The following CALN1 variants were observed in gnomAD, a reference collection of about 807,000 sequenced individuals.
CALN1 encodes calcium-binding protein 8.
A neutral mutation model predicts 30.6 loss-of-function variants in CALN1; 17 were observed. The observed-to-expected ratio is 0.56, with a 90% CI of 0.38 to 0.83. CALN1 has a LOEUF of 0.83. Ranked by LOEUF, CALN1 falls within the 40% of genes least tolerant of loss-of-function variation. The probability of loss-of-function intolerance (pLI) is 0.00; values close to 1 mark genes in which losing one functional copy is unlikely to be tolerated. For synonymous variants in CALN1, 156 were observed against 131.4 expected, an observed-to-expected ratio of 1.19 and a Z score of -1.28; for missense variants, 291 against 354.9, an observed-to-expected ratio of 0.82 and a Z score of 1.45.
intron 1 of CALN1, among the ~76,000 whole-genome samples, chr7:72,404,987 G>A (rs183973629): frequency 7.9e-4 from 121 of 152,250 alleles, no homozygotes; most frequent in African/African-American, 2.8e-3. Flanking sequence ...ATTTCCATCT[G>A]AACCAGAAAC....
chr7:72,151,517 A>T (rs1787247884), intron 3 of CALN1, among the ~76,000 whole-genome samples: 1 of 152,160 alleles, frequency 6.6e-6, no homozygotes, highest in Non-Finnish European at 1.5e-5. Flanking sequence ...TTGGGAGGAC[A>T]CAATTCAACC....
chr7:72,049,344 AG>A (rs1191594413), intron 4 of CALN1, among the ~76,000 whole-genome samples: 1 of 152,200 alleles, frequency 6.6e-6, no homozygotes, highest in Non-Finnish European at 1.5e-5. Context: ...GAATACTAGA[AG>A]GTATAGTAAT....
At chr7:72,058,969 A>G (rs1420184908) in intron 4 of CALN1, among the ~76,000 whole-genome samples, 2 of 152,196 alleles carry the variant, frequency 1.3e-5, no homozygotes, top group Non-Finnish European at 2.9e-5. Flanking sequence ...TTGAAGATTC[A>G]AGGTTTTAAA....
chr7:72,335,329 T>C (rs746698444), intron 2 of CALN1, among the ~76,000 whole-genome samples: 9 of 152,194 alleles, frequency 5.9e-5, no homozygotes, highest in Admixed American at 2.6e-4. Flanking sequence ...ATTTCCCTTT[T>C]TGAGCAAAAG....
At chr7:72,169,945 G>A (rs1334604591) in intron 3 of CALN1, among the ~76,000 whole-genome samples, 2 of 151,814 alleles carry the variant, frequency 1.3e-5, no homozygotes, top group Non-Finnish European at 2.9e-5. Context: ...CACCTGCCTT[G>A]GCCTCCCGAA....
rs199932127 is a variant in CALN1 at position 72,323,677 on chromosome 7, A to AT, written c.120-44868_120-44867insA. On this transcript the variant is annotated intron_variant, in intron 2 of 6. Coordinates refer to ENST00000395275, the MANE Select transcript of CALN1 (RefSeq NM_031468.4). ...ACTCCATCTCAAAAAAAAAAAAATA[A>AT]AAAATAAAGAGAACAAAAAGAGAAA... 2.4e-3 allele frequency among the ~76,000 whole-genome samples: 320 copies of AT among 134,870 alleles called. 4 individuals are homozygous for AT. Among genetic ancestry groups the AT allele is most frequent in the East Asian group, 0.013 (61 of 4,702 alleles). The allele number at this position is 134,870 out of a possible 152,430, so 88.5% of individuals were successfully genotyped here.
chr7:72,355,942 A>G (rs1803193470), intron 2 of CALN1, among the ~76,000 whole-genome samples: 2 of 152,206 alleles, frequency 1.3e-5, no homozygotes, highest in African/African-American at 4.8e-5. Flanking sequence ...TCCTCAATAA[A>G]GTTGATTTGA....
At chr7:71,863,562 A>C (rs1225317625) in intron 5 of CALN1, among the ~76,000 whole-genome samples, 1 of 132,942 alleles carries the variant, frequency 7.5e-6, no homozygotes, top group Admixed American at 7.0e-5. Context: ...CATCTCAAAA[A>C]AAAAAAAAAA....
intron 2 of CALN1, among the ~76,000 whole-genome samples, chr7:72,371,295 A>G (rs1362916661): frequency 6.6e-6 from 1 of 152,156 alleles, no homozygotes; most frequent in Non-Finnish European, 1.5e-5. Flanking sequence ...GCATGTATGC[A>G]TATGATATGG....
At chr7:72,048,000 T>A (rs12667792) in intron 4 of CALN1, among the ~76,000 whole-genome samples, 62,131 of 151,004 alleles carry the variant, frequency 0.41, 12,989 homozygotes, top group African/African-American at 0.49. Context: ...GGGCACAGAT[T>A]TCAGAGGCTT....
chr7:71,936,846 A>G (rs564095968), intron 5 of CALN1, among the ~76,000 whole-genome samples: 135 of 151,776 alleles, frequency 8.9e-4, no homozygotes, highest in Admixed American at 4.0e-3. Flanking sequence ...TTTCCCCCAT[A>G]CTGTTCTCGT....
intron 2 of CALN1, among the ~76,000 whole-genome samples, chr7:72,335,164 C>T (rs1801929038): frequency 6.6e-6 from 1 of 152,132 alleles, no homozygotes; most frequent in Non-Finnish European, 1.5e-5. Context: ...CCTCCTCCCA[C>T]CCCACAAAAA....
chr7:71,917,858 G>A lies in CALN1; in HGVS notation c.501+105799C>T, dbSNP rs149710929. Reference sequence around the variant, plus strand: ...ATTGTGATTATCTTACACAAAGTATGCATATATCAATCATCACGTTGTACA... The same window carrying A: ...ATTGTGATTATCTTACACAAAGTATACATATATCAATCATCACGTTGTACA... On this transcript the variant is annotated intron_variant, in intron 5 of 6. Transcript: ENST00000395275. Among the ~76,000 whole-genome samples the A allele has an allele frequency of 1.4e-4, 22 of 152,260 alleles. No individual in the cohort carries two copies. The East Asian group carries it at 4.2e-3, about 29-fold the overall frequency.
chr7:72,001,729 C>T (rs867822970), intron 5 of CALN1, among the ~76,000 whole-genome samples: 1 of 148,240 alleles, frequency 6.7e-6, no homozygotes, highest in African/African-American at 2.6e-5. Context: ...CTGCCTTATG[C>T]CCCTTGGTTG....
intron 2 of CALN1, among the ~76,000 whole-genome samples, chr7:72,298,342 C>G (rs1799011275): frequency 6.6e-6 from 1 of 152,210 alleles, no homozygotes; most frequent in Non-Finnish European, 1.5e-5. Context: ...CATCTCATCT[C>G]AAAGATGTAG....
At chr7:72,148,101 T>TAAAA (rs71300800) in intron 3 of CALN1, among the ~76,000 whole-genome samples, 1 of 92,156 alleles carries the variant, frequency 1.1e-5, no homozygotes, top group Non-Finnish European at 2.6e-5. Context: ...TAAAAAAAAA[T>TAAAA]AAAAAAAAAA....
chr7:71,788,684 G>A (rs1793131182), intron 6 of CALN1, among the ~76,000 whole-genome samples: 1 of 151,518 alleles, frequency 6.6e-6, no homozygotes, highest in Non-Finnish European at 1.5e-5. Context: ...TGATACTGGA[G>A]TCTCTCTCTG....
At chr7:72,490,012 T>C in the CALN1 span, among the ~76,000 whole-genome samples, 1 of 152,194 alleles carries the variant, frequency 6.6e-6, no homozygotes, top group African/African-American at 2.4e-5. Flanking sequence ...AAAATTACTT[T>C]CTTTGGTGTC....
chr7:72,329,010 T>G (rs1198393670), intron 2 of CALN1, among the ~76,000 whole-genome samples: 1 of 152,228 alleles, frequency 6.6e-6, no homozygotes. Flanking sequence ...TGTCTACATT[T>G]TAAAACAAAC....
Sources: allele counts gnomAD v4.1 joint callset (sites outside exome capture counted in the v4.1 genomes callset), GRCh38; gene constraint gnomAD v4.1.1; transcripts MANE v1.5; gene names NCBI Gene and HGNC (gene_info 2026-07-23, HGNC 2026-07-21).